NTN1: variants seen among roughly 807,000 people sequenced by gnomAD.
NTN1 encodes the protein netrin-1.
A neutral mutation model predicts 54.2 loss-of-function variants in NTN1; 11 were observed. That is an observed-to-expected ratio of 0.20 (90% confidence interval 0.13 to 0.34). The LOEUF is 0.34. Ranked by LOEUF, NTN1 falls within the 10% of genes least tolerant of loss-of-function variation. The pLI is 1.00. For missense variants in NTN1, 740 were observed against 893.1 expected, an observed-to-expected ratio of 0.83 and a Z score of 2.18; for synonymous variants, 371 against 382.0, an observed-to-expected ratio of 0.97 and a Z score of 0.33.
chr17:9,084,889 G>A (rs537760688), intron 2 of NTN1, among the ~76,000 whole-genome samples: 1 of 152,082 alleles, frequency 6.6e-6, no homozygotes, highest in African/African-American at 2.4e-5. Flanking sequence ...CTGACCTCGT[G>A]ATCTGCCTGC....
chr17:9,114,563 G>C (rs1567713835), intron 2 of NTN1, among the ~76,000 whole-genome samples: 1 of 151,854 alleles, frequency 6.6e-6, no homozygotes, highest in Non-Finnish European at 1.5e-5. Flanking sequence ...GACCAGCCTG[G>C]CCAACATAGT....
chr17:9,227,546 C>T (rs143029567), intron 6 of NTN1, among the ~76,000 whole-genome samples: 12 of 114,832 alleles, frequency 1.0e-4, no homozygotes, highest in Non-Finnish European at 1.4e-4. Flanking sequence ...TACACCATCA[C>T]ACACAGGCAC....
intron 2 of NTN1, among the ~76,000 whole-genome samples, chr17:9,086,823 C>G (rs1489841103): frequency 1.3e-5 from 2 of 152,118 alleles, no homozygotes; most frequent in Non-Finnish European, 2.9e-5. Context: ...TCACCATCAT[C>G]GTTGCTGTCA....
intron 5 of NTN1, among the ~76,000 whole-genome samples, chr17:9,217,230 C>T (rs1304985505): frequency 6.6e-6 from 1 of 152,088 alleles, no homozygotes; most frequent in Non-Finnish European, 1.5e-5. Flanking sequence ...GACTTTTCTG[C>T]TCATCAGACA....
At chr17:9,067,633 G>A (rs1051724575) in intron 2 of NTN1, among the ~76,000 whole-genome samples, 2 of 152,194 alleles carry the variant, frequency 1.3e-5, no homozygotes, top group Non-Finnish European at 2.9e-5. Flanking sequence ...TGGAATTTGA[G>A]GCCCTTCTTG....
intron 2 of NTN1, among the ~76,000 whole-genome samples, chr17:9,101,458 G>A (rs1211241899): frequency 6.6e-6 from 1 of 152,178 alleles, no homozygotes; most frequent in Non-Finnish European, 1.5e-5. Context: ...TTGGCTTTTT[G>A]TATCTGCCAC....
At chr17:9,180,502 C>G (rs2092415605) in intron 4 of NTN1, among the ~76,000 whole-genome samples, 1 of 152,252 alleles carries the variant, frequency 6.6e-6, no homozygotes, top group Non-Finnish European at 1.5e-5. Flanking sequence ...AACACTGAGT[C>G]TCCTGTTTCT....
chr17:9,050,211 C>T (rs1044775820), intron 2 of NTN1, among the ~76,000 whole-genome samples: 1 of 150,972 alleles, frequency 6.6e-6, no homozygotes, highest in African/African-American at 2.4e-5. Flanking sequence ...TGCGCCACTG[C>T]ACTCCAGCCT....
Position 9,021,541 on chromosome 17 carries a change from C to G in NTN1, c.-108C>G, listed in dbSNP as rs2091847854. The G allele has an allele frequency of 6.6e-6, 1 of 151,552 alleles. No homozygotes were observed. Among genetic ancestry groups the G allele is most frequent in the African/African-American group, 2.4e-5 (1 of 41,256 alleles). The allele number at this position is 151,552 out of a possible 1,614,324, so 9.4% of individuals were successfully genotyped here. A position where few individuals can be genotyped will look rare whatever the true frequency, so the allele number is the denominator to read the frequency against. On this transcript the variant is annotated 5_prime_UTR_variant, in exon 1 of 7. Coordinates refer to ENST00000173229, the MANE Select transcript of NTN1 (RefSeq NM_004822.3). ...AGCGCGAGTGGCGGCGGCGGCGGAG[C>G]CTTCGGGGGCGAGCGCGCGTGTGTG...
Position 9,069,683 on chromosome 17 carries a change from G to T in NTN1, c.1018+46292G>T, listed in dbSNP as rs546657518. 2.6e-5 allele frequency among the ~76,000 whole-genome samples: 4 copies of T among 152,318 alleles called. No individual in the cohort carries two copies. In the East Asian group the frequency reaches 7.7e-4, roughly 29 times the overall value. On this transcript the variant is annotated intron_variant, in intron 2 of 6. Transcript: ENST00000173229. Reference sequence around the variant, plus strand: ...ACCAACTGGGATTTGGGGACAGAAGGACCAGTAGGTGGGAGCACCTCAAAG... The same window carrying T: ...ACCAACTGGGATTTGGGGACAGAAGTACCAGTAGGTGGGAGCACCTCAAAG...
At chr17:9,106,703 G>T (rs988554077) in intron 2 of NTN1, among the ~76,000 whole-genome samples, 1 of 151,944 alleles carries the variant, frequency 6.6e-6, no homozygotes, top group South Asian at 2.1e-4. Flanking sequence ...TAGTAGAGAC[G>T]GGGGTTTCAC....
At chr17:9,139,170 G>A (rs1480661160) in intron 2 of NTN1, among the ~76,000 whole-genome samples, 1 of 152,120 alleles carries the variant, frequency 6.6e-6, no homozygotes, top group African/African-American at 2.4e-5. Flanking sequence ...GGTTGTGGGG[G>A]CCTTGAATGC....
chr17:9,225,693 A>G (rs747865732), intron 6 of NTN1, among the ~76,000 whole-genome samples: 1 of 149,346 alleles, frequency 6.7e-6, no homozygotes, highest in South Asian at 2.1e-4. Context: ...GGGATGAGAG[A>G]GCAGGGGAGG....
At chr17:9,011,284 G>A in the NTN1 span, among the ~76,000 whole-genome samples, 5 of 152,138 alleles carry the variant, frequency 3.3e-5, no homozygotes, top group African/African-American at 1.2e-4. Context: ...GGGGGTTAGG[G>A]ACCCCCGCTG....
At chr17:9,105,668 C>T (rs1021847695) in intron 2 of NTN1, among the ~76,000 whole-genome samples, 3 of 151,972 alleles carry the variant, frequency 2.0e-5, no homozygotes, top group Non-Finnish European at 4.4e-5. Context: ...CTTTCTCTCT[C>T]TCTCTCTCTC....
At chr17:9,134,793 TG>T (rs529677430) in intron 2 of NTN1, among the ~76,000 whole-genome samples, 298 of 152,280 alleles carry the variant, frequency 2.0e-3, no homozygotes, top group African/African-American at 6.7e-3. Context: ...GCCTCAGGCC[TG>T]GGGTCTTTCC....
chr17:9,079,711 C>CA (rs201907724), intron 2 of NTN1, among the ~76,000 whole-genome samples: 1 of 150,130 alleles, frequency 6.7e-6, no homozygotes, highest in African/African-American at 2.5e-5. Flanking sequence ...AGTGGTTCCT[C>CA]AGCGGGCCTG....
intron 2 of NTN1, among the ~76,000 whole-genome samples, chr17:9,075,776 G>T (rs764348401): frequency 1.3e-5 from 2 of 152,192 alleles, no homozygotes; most frequent in Non-Finnish European, 2.9e-5. Context: ...CAGTCCCAGC[G>T]CTGCAGGGAA....
chr17:9,157,728 A>G (rs933451593), intron 2 of NTN1, among the ~76,000 whole-genome samples: 1 of 152,210 alleles, frequency 6.6e-6, no homozygotes, highest in Non-Finnish European at 1.5e-5. Flanking sequence ...TAAGAGGCAG[A>G]GCCTCAATGG....
Sources: allele counts gnomAD v4.1 joint callset (sites outside exome capture counted in the v4.1 genomes callset), GRCh38; gene constraint gnomAD v4.1.1; transcripts MANE v1.5; gene names NCBI Gene and HGNC (gene_info 2026-07-23, HGNC 2026-07-21).